Variants in ZNF507 observed in about 807,000 individuals in gnomAD.
ZNF507 encodes zinc finger protein 507.
ZNF507 carries 29 observed loss-of-function variants against 80.0 expected under a neutral mutation model. That is an observed-to-expected ratio of 0.36 (90% CI 0.27 to 0.49). ZNF507 has a LOEUF of 0.49. Ranked by LOEUF, ZNF507 falls within the 20% of genes least tolerant of loss-of-function variation. The pLI, the probability that ZNF507 is intolerant of heterozygous loss-of-function variation, is 0.98. For synonymous variants in ZNF507, 462 were observed against 422.5 expected, an observed-to-expected ratio of 1.09 and a Z score of -1.15; for missense variants, 1,081 against 1,152.2, an observed-to-expected ratio of 0.94 and a Z score of 0.90.
At chr19:32,369,797 A>G (rs556027336) in intron 5 of ZNF507, among the ~76,000 whole-genome samples, 80 of 152,178 alleles carry the variant, frequency 5.3e-4, no homozygotes, top group Non-Finnish European at 9.7e-4. Context: ...TATTTAACAA[A>G]AATTCCTAAT....
intron 5 of ZNF507, 55 bp downstream of exon 5, chr19:32,360,673 AGAAATAAAAT>A (rs929325790): frequency 1.7e-5 from 17 of 991,792 alleles, no homozygotes; most frequent in Non-Finnish European, 1.8e-5. Flanking sequence ...TTTATATTAA[AGAAATAAAAT>A]GAAATAAAAA....
In ZNF507 at chr19:32,354,693, C is replaced by T. The variant is rs139741881; in HGVS notation, c.1863C>T (p.Ser621=). The change falls in exon 3 of 7, where the codon AGC becomes AGT. Residue 621 remains serine (S), a synonymous_variant. Transcript: ENST00000355898. ...ACAACGCCCAGTGCCAACCCAACAGCGATACAAGTTTGTCCGGAAACAATG... is the reference window on the plus strand; with the variant it reads ...ACAACGCCCAGTGCCAACCCAACAGTGATACAAGTTTGTCCGGAAACAATG... ...LQDNAQCQPN[S]DTSLSGNNVV... 55 of 1,614,166 alleles carry T rather than the reference C, an allele frequency of 3.4e-5. No homozygotes were observed. The highest frequency in any genetic ancestry group is 1.5e-4 in the Admixed American group (9 of 60,030).
chr19:32,356,249 T>A (rs746757429), intron 3 of ZNF507, among the ~76,000 whole-genome samples: 1 of 152,080 alleles, frequency 6.6e-6, no homozygotes, highest in Non-Finnish European at 1.5e-5. Context: ...AAATTAGGAG[T>A]CTGGTGATTA....
chr19:32,346,372 T>G (rs1599541591), intron 1 of ZNF507, among the ~76,000 whole-genome samples: 1 of 152,196 alleles, frequency 6.6e-6, no homozygotes, highest in East Asian at 1.9e-4. Context: ...AAGGCCGGGA[T>G]GATTAATAAG....
In ZNF507 at chr19:32,353,275, C is replaced by T; in HGVS notation, c.445C>T (p.Gln149Ter). 6.2e-7 allele frequency: 1 copy of T among 1,614,162 alleles called. No individual in the cohort carries two copies. Among genetic ancestry groups the T allele is most frequent in the Non-Finnish European group, 8.5e-7 (1 of 1,180,032 alleles). ...AAAAGATCATATTAAGCAACATGGT[C>T]AGCAAAATGAAGTGATACTGATGTG... The part of the protein sequence containing the change: ...VLKDHIKQHG[Q>*]QNEVILMCSE... Residue 149 changes from glutamine to a stop codon, truncating the protein, a stop_gained, in exon 3 of 7, where the codon CAG (glutamine) becomes TAG (stop). Transcript: ENST00000355898. LOFTEE classifies it high-confidence loss of function.
At chr19:32,368,371 T>C (rs578000786) in intron 5 of ZNF507, among the ~76,000 whole-genome samples, 1 of 152,324 alleles carries the variant, frequency 6.6e-6, no homozygotes, top group Admixed American at 6.5e-5. Flanking sequence ...GTGCTGGCTG[T>C]TGGTTGGGCA....
intron 2 of ZNF507, among the ~76,000 whole-genome samples, chr19:32,350,164 C>T (rs973048621): frequency 6.6e-6 from 1 of 151,528 alleles, no homozygotes; most frequent in Admixed American, 6.6e-5. Context: ...GTAACTTCCC[C>T]TCTGTGTATA....
chr19:32,355,843 C>G (rs1231220468), intron 3 of ZNF507, among the ~76,000 whole-genome samples: 4 of 151,920 alleles, frequency 2.6e-5, no homozygotes. Flanking sequence ...GCTAAAAATA[C>G]AAAAACTTAG....
rs557775612 is a variant in ZNF507 at position 32,355,208 on chromosome 19, A to G, written c.2127+251A>G. 3.3e-5 allele frequency among the ~76,000 whole-genome samples: 5 copies of G among 151,810 alleles called. No homozygotes were observed. The South Asian group carries it at 1.0e-3, about 31-fold the overall frequency. On this transcript the variant is annotated intron_variant, in intron 3 of 6. Coordinates refer to ENST00000355898, the MANE Select transcript of ZNF507 (RefSeq NM_001136156.2). ...CTCTGTGTTTTAGTGTGTATAGTTT[A>G]AAGTGTTGATTTTCTGTTGCAAGAG...
chr19:32,345,987 C>T (rs1967091696), intron 1 of ZNF507, among the ~76,000 whole-genome samples: 1 of 152,218 alleles, frequency 6.6e-6, no homozygotes, highest in East Asian at 1.9e-4. Context: ...TGCCCTGCAG[C>T]TGGGGGTGGG....
chr19:32,374,832 C>T (rs966609510), intron 5 of ZNF507, among the ~76,000 whole-genome samples: 4 of 152,196 alleles, frequency 2.6e-5, no homozygotes, highest in Non-Finnish European at 5.9e-5. Flanking sequence ...GGTACCTCCA[C>T]AACACTGCAT....
Position 32,354,083 on chromosome 19 carries a change from C to G in ZNF507, c.1253C>G (p.Thr418Ser). The G allele has an allele frequency of 6.2e-7, 1 of 1,613,954 alleles. No homozygotes were observed. The highest frequency in any genetic ancestry group is 8.5e-7 in the Non-Finnish European group (1 of 1,180,028). ...TCACAGAAGCGCTTCCTCATGAACA[C>G]TGAAATGGAAGAAGGGAAGGACCTG... is the stretch of plus-strand genomic sequence containing the variant. ...TLSQKRFLMN[T>S]EMEEGKDLSL... The change falls in exon 3 of 7, where the codon ACT becomes AGT. Residue 418 changes from threonine (T) to serine (S), a missense_variant. Coordinates refer to ENST00000355898, the MANE Select transcript of ZNF507 (RefSeq NM_001136156.2).
intron 5 of ZNF507, among the ~76,000 whole-genome samples, chr19:32,381,817 A>G (rs1244841561): frequency 1.3e-5 from 2 of 152,196 alleles, no homozygotes. Context: ...CTATCTGACC[A>G]GTTTTTTCTG....
rs115751744 is a variant in ZNF507 at position 32,366,384 on chromosome 19, G to C, written c.2360+5766G>C. 4.6e-3 allele frequency among the ~76,000 whole-genome samples: 702 copies of C among 151,912 alleles called. 7 individuals are homozygous for C. Among genetic ancestry groups the C allele is most frequent in the African/African-American group, 0.016 (671 of 41,410 alleles). ...CAGTCATTACCCACCCCTCCCCTCTGTCTGGTATCCACTATCTTGACTTCT... is the reference window on the plus strand; with the variant it reads ...CAGTCATTACCCACCCCTCCCCTCTCTCTGGTATCCACTATCTTGACTTCT... On this transcript the variant is annotated intron_variant, in intron 5 of 6. Coordinates refer to ENST00000355898, the MANE Select transcript of ZNF507 (RefSeq NM_001136156.2).
Position 32,353,571 on chromosome 19 carries a change from G to T in ZNF507, c.741G>T (p.Met247Ile). The T allele has an allele frequency of 6.2e-7, 1 of 1,614,232 alleles. No individual in the cohort carries two copies. The highest frequency in any genetic ancestry group is 8.5e-7 in the Non-Finnish European group (1 of 1,180,042). ...RKWYAYEQYG[M>I]YRCLFCSYTC... ...GGTATGCATACGAACAGTACGGCAT[G>T]TATCGATGCTTGTTTTGTAGTTATA... is the stretch of plus-strand genomic sequence containing the variant. Residue 247 changes from methionine (M) to isoleucine (I), a missense_variant, in exon 3 of 7, where the codon ATG becomes ATT. Met to Ile is a conservative substitution (Grantham distance 10). Transcript: ENST00000355898.
At position 32,354,552 on chromosome 19, in the gene ZNF507, G is replaced by A. The variant is rs373748811; in HGVS notation, c.1722G>A (p.Leu574=). ...LVALPEGRQE[L]SDGQVKTGIS... ...CACTCCCAGAGGGTAGGCAGGAATT[G>A]TCAGATGGGCAGGTTAAGACAGGCA... Residue 574 remains leucine, a synonymous_variant, in exon 3 of 7, where the codon TTG becomes TTA. Coordinates refer to ENST00000355898, the MANE Select transcript of ZNF507 (RefSeq NM_001136156.2). The A allele has an allele frequency of 1.0e-4, 169 of 1,614,178 alleles. No individual in the cohort carries two copies. Among genetic ancestry groups the A allele is most frequent in the Middle Eastern group, 6.6e-4 (4 of 6,062 alleles).
At chr19:32,367,639 A>C (rs1260356343) in intron 5 of ZNF507, among the ~76,000 whole-genome samples, 1 of 152,252 alleles carries the variant, frequency 6.6e-6, no homozygotes, top group Non-Finnish European at 1.5e-5. Context: ...ACGATGATAC[A>C]GAAATAAAAA....
In ZNF507 at chr19:32,351,419, C is replaced by CTGTGTGTGTGTGTGTG. The variant is rs5823; in HGVS notation, c.-2-1373_-2-1358dup. 4.7e-3 allele frequency among the ~76,000 whole-genome samples: 250 copies of CTGTGTGTGTGTGTGTG among 52,830 alleles called. 7 individuals carry two copies. The highest frequency in any genetic ancestry group is 7.5e-3 in the South Asian group (6 of 800). 34.7% of individuals were successfully genotyped at this position (52,830 alleles called of 152,430 possible). A position where few individuals can be genotyped will look rare whatever the true frequency, so the allele number is the denominator to read the frequency against. On this transcript the variant is annotated intron_variant, in intron 2 of 6. Transcript: ENST00000355898. Reference sequence around the variant, plus strand: ...GCGACCTGGCACTGAAGCTGGTCAGCTGTGTGTGTGTGTGTGTGTGTGTGT... The same window carrying CTGTGTGTGTGTGTGTG: ...GCGACCTGGCACTGAAGCTGGTCAGCTGTGTGTGTGTGTGTGTGTGTGTGTGTGTGTGTGTGTGTGT...
chr19:32,353,127 T>C lies in ZNF507; in HGVS notation c.297T>C (p.Asp99=), dbSNP rs748709844. The change falls in exon 3 of 7, where the codon GAT becomes GAC. Residue 99 remains aspartate (D), a synonymous_variant. Coordinates refer to ENST00000355898, the MANE Select transcript of ZNF507 (RefSeq NM_001136156.2). ...PAKVIQSPAA[D]TRRAEMSQTN... is the part of the protein sequence containing the mutation. ...AAGTAATCCAGTCACCTGCTGCTGATACTAGAAGGGCTGAGATGTCACAAA... is the reference window on the plus strand; with the variant it reads ...AAGTAATCCAGTCACCTGCTGCTGACACTAGAAGGGCTGAGATGTCACAAA... The C allele has an allele frequency of 6.2e-6, 10 of 1,614,136 alleles. No homozygotes were observed. The highest frequency in any genetic ancestry group is 5.9e-6 in the Non-Finnish European group (7 of 1,180,058).
Sources: gnomAD v4.1 joint callset for allele counts (sites outside exome capture counted in the v4.1 genomes callset) on GRCh38, gnomAD v4.1.1 for gene constraint, MANE v1.5 for transcripts, NCBI Gene and HGNC (gene_info 2026-07-23, HGNC 2026-07-21) for gene names.